Variants in POLR1C observed in about 807,000 individuals in gnomAD.
POLR1C encodes the protein DNA-directed RNA polymerases I and III subunit RPAC1.
In POLR1C, 42 loss-of-function variants were observed where a neutral mutation model predicts 38.3. The observed-to-expected ratio is 1.10, with a 90% confidence interval of 0.86 to 1.42. The LOEUF (loss-of-function observed/expected upper bound fraction) is 1.42. Ranked by LOEUF, POLR1C falls within the 40% of genes most tolerant of loss-of-function variation. The pLI is 0.00. For synonymous variants in POLR1C, 163 were observed against 163.9 expected (o/e 0.99, Z 0.04); for missense variants, 507 against 450.5 (o/e 1.13, Z -1.14).
At chr6:43,528,065 C>G in intron 8 of POLR1C, 1 of 1,295,686 alleles carries the variant, frequency 7.7e-7, no homozygotes, top group Admixed American at 2.1e-5. Flanking sequence ...TGCTCTTCTA[C>G]CCTGGGACAG....
Position 43,517,384 on chromosome 6 carries a change from G to A in POLR1C, c.141+7G>A. Reference sequence around the variant, plus strand: ...CCAGGACCGCTTCGAGAAGGTAAGTGGGGCCGGAGTTGTCTGGGGAGGGTT... The same window carrying A: ...CCAGGACCGCTTCGAGAAGGTAAGTAGGGCCGGAGTTGTCTGGGGAGGGTT... On this transcript the variant is annotated splice_region_variant and intron_variant, in intron 2 of 8. Transcript: ENST00000642195. The A allele has an allele frequency of 6.2e-7, 1 of 1,613,574 alleles. No homozygotes were observed. Among genetic ancestry groups the A allele is most frequent in the Non-Finnish European group, 8.5e-7 (1 of 1,179,558 alleles).
At chr6:43,551,419 T>C in intron 10 of POLR1C, 1 of 1,613,964 alleles carries the variant, frequency 6.2e-7, no homozygotes, top group Non-Finnish European at 8.5e-7. Context: ...CAGAACCATC[T>C]GCAATAGCTC....
chr6:43,557,824 GT>G (rs1231421823), intron 10 of POLR1C, among the ~76,000 whole-genome samples: 8 of 150,024 alleles, frequency 5.3e-5, no homozygotes, highest in African/African-American at 2.0e-4. Context: ...GCTGGGCGCG[GT>G]GGTTCGCACC....
At chr6:43,530,090 A>G (rs1793869407), downstream of POLR1C, among the ~76,000 whole-genome samples, 1 of 152,182 alleles carries the variant, frequency 6.6e-6, no homozygotes, top group Non-Finnish European at 1.5e-5. Flanking sequence ...ACCTGTCTCT[A>G]CTAAAAATAC....
chr6:43,528,279 C>T lies in POLR1C; in HGVS notation c.923-970C>T, dbSNP rs1582196428. 1.0e-5 allele frequency: 15 copies of T among 1,446,462 alleles called. No homozygotes were observed. In the East Asian group the frequency reaches 3.5e-4, roughly 33 times the overall value. The allele number at this position is 1,446,462 out of a possible 1,614,324, so 89.6% of individuals were successfully genotyped here. A position where few individuals can be genotyped will look rare whatever the true frequency, so the allele number is the denominator to read the frequency against. On this transcript the variant is annotated intron_variant, in intron 8 of 8. Transcript: ENST00000304004. Reference sequence around the variant, plus strand: ...AACACATAATATCTAAAGTCAAGTCCACTTCATGATTAAAATTAGCCAAGG... The same window carrying T: ...AACACATAATATCTAAAGTCAAGTCTACTTCATGATTAAAATTAGCCAAGG...
intron 6 of POLR1C, 25 bp downstream of exon 6, chr6:43,520,452 G>C (rs768678178): frequency 6.2e-7 from 1 of 1,612,790 alleles, no homozygotes; most frequent in South Asian, 1.1e-5. Flanking sequence ...TGCCTTCCTG[G>C]GAAGGGGGAT....
At chr6:43,555,693 C>T (rs763336135) in intron 10 of POLR1C, 12 of 1,001,396 alleles carry the variant, frequency 1.2e-5, no homozygotes, top group Non-Finnish European at 1.6e-5. Context: ...AATGAAAACG[C>T]TCCCTCTCCA....
chr6:43,525,319 C>G (rs1004943943), downstream of POLR1C: 199 of 1,092,110 alleles, frequency 1.8e-4, no homozygotes, highest in African/African-American at 2.6e-3. Context: ...TCCTCCCCCC[C>G]TCTAAAGATG....
chr6:43,536,850 TAGGAATC>T (rs1223697859), intron 9 of POLR1C, among the ~76,000 whole-genome samples: 45 of 147,524 alleles, frequency 3.1e-4, no homozygotes, highest in African/African-American at 1.1e-3. Flanking sequence ...TGGTGGCTGG[TAGGAATC>T]TAATTGTTTT....
rs377163139 is a variant in POLR1C at position 43,520,192 on chromosome 6, A to G, written c.502+7A>G. On this transcript the variant is annotated splice_region_variant and intron_variant, in intron 5 of 8. Transcript: ENST00000642195. Reference sequence around the variant, plus strand: ...CTGTACGTGAACCACAAAGGTGAGTAGTGGTAGGGTGAGGAAGAGGCCCCA... The same window carrying G: ...CTGTACGTGAACCACAAAGGTGAGTGGTGGTAGGGTGAGGAAGAGGCCCCA... 1.2e-6 allele frequency: 2 copies of G among 1,614,078 alleles called. No individual in the cohort carries two copies. The highest frequency in any genetic ancestry group is 1.7e-6 in the Non-Finnish European group (2 of 1,180,046).
chr6:43,538,942 G>T, intron 9 of POLR1C: 2 of 1,330,276 alleles, frequency 1.5e-6, no homozygotes, highest in Non-Finnish European at 2.1e-6. Flanking sequence ...CCTTCCAGAG[G>T]TCGGGGGTCA....
At chr6:43,517,201 C>T (rs768321230) in intron 1 of POLR1C, 23 bp downstream of exon 1, 4 of 1,613,344 alleles carry the variant, frequency 2.5e-6, no homozygotes, top group East Asian at 2.2e-5. Flanking sequence ...GCCTTGAGCT[C>T]GGGCGGGAGG....
intron 8 of POLR1C, chr6:43,526,620 G>A (rs964732606): frequency 6.3e-7 from 1 of 1,581,184 alleles, no homozygotes; most frequent in East Asian, 2.3e-5. Flanking sequence ...AAACTGACCT[G>A]GTTCAGAAGG....
chr6:43,528,252 G>T (rs1403333484), intron 8 of POLR1C: 5 of 1,537,286 alleles, frequency 3.3e-6, no homozygotes, highest in Non-Finnish European at 4.4e-6. Flanking sequence ...GGAAAGGATT[G>T]GAACACATAA....
At chr6:43,525,520 GAA>G, downstream of POLR1C, 1 of 499,314 alleles carries the variant, frequency 2.0e-6, no homozygotes, top group African/African-American at 1.9e-5. Flanking sequence ...CAGTCAAAAA[GAA>G]AAAATCAAAA....
At chr6:43,547,481 A>T in intron 9 of POLR1C, 1 of 789,398 alleles carries the variant, frequency 1.3e-6, no homozygotes, top group Non-Finnish European at 2.2e-6. Context: ...GGAGAAGCTT[A>T]GGGAAGTGGA....
At chr6:43,533,288 A>G (rs866921895), downstream of POLR1C, 41 of 152,286 alleles carry the variant, frequency 2.7e-4, no homozygotes, top group African/African-American at 9.0e-4. Context: ...GTATACAAAT[A>G]TCCTTCAGGT....
chr6:43,541,340 T>A (rs1332275950), intron 9 of POLR1C, among the ~76,000 whole-genome samples: 1 of 152,246 alleles, frequency 6.6e-6, no homozygotes, highest in Non-Finnish European at 1.5e-5. Context: ...ATTATTATTA[T>A]GCATTGCATG....
Position 43,517,120 on chromosome 6 carries a change from C to T in POLR1C, c.11C>T (p.Ser4Phe), listed in dbSNP as rs746903500. Residue 4 changes from serine (S) to phenylalanine (F), a missense_variant, in exon 1 of 9, where the codon TCT (serine) becomes TTT (phenylalanine). Physicochemically the swap from Ser to Phe is radical, Grantham distance 155. Transcript: ENST00000642195. ...GTGGAGAGATTGAAGATGGCGGCTT[C>T]TCAGGCGGTGGAGGAAATGCGGAGC... Reference protein sequence around the residue: MAASQAVEEMRSRV... With the variant: MAAFQAVEEMRSRV... 8.1e-6 allele frequency: 13 copies of T among 1,614,038 alleles called. No individual in the cohort carries two copies. The African/African-American group carries it at 1.3e-4, about 17-fold the overall frequency.
Sources: gnomAD v4.1 joint callset for allele counts (sites outside exome capture counted in the v4.1 genomes callset) on GRCh38, gnomAD v4.1.1 for gene constraint, MANE v1.5 for transcripts, NCBI Gene and HGNC (gene_info 2026-07-23, HGNC 2026-07-21) for gene names.